Variants in LRRC8D observed in about 807,000 individuals in gnomAD.
LRRC8D encodes volume-regulated anion channel subunit LRRC8D.
In LRRC8D, 20 loss-of-function variants were observed where a neutral mutation model predicts 55.8. That is an observed-to-expected ratio of 0.36 (90% CI 0.25 to 0.52). The LOEUF (loss-of-function observed/expected upper bound fraction) is 0.52, where lower values mean the gene tolerates loss of function less well. Among genes scored for constraint, LRRC8D ranks in the 20% least tolerant of loss-of-function variants. The pLI is 0.93. For synonymous variants in LRRC8D, 352 were observed against 377.0 expected (o/e 0.93, Z 0.77); for missense variants, 651 against 1,030.8 (o/e 0.63, Z 5.05).
chr1:89,912,364 C>T (rs942207215), intron 2 of LRRC8D, among the ~76,000 whole-genome samples: 2 of 152,054 alleles, frequency 1.3e-5, no homozygotes, highest in African/African-American at 4.8e-5. Flanking sequence ...TGAGTTGTAC[C>T]CTGGAAAATC....
chr1:89,854,409 T>C (rs1661499369), intron 2 of LRRC8D, among the ~76,000 whole-genome samples: 1 of 151,980 alleles, frequency 6.6e-6, no homozygotes, highest in African/African-American at 2.4e-5. Context: ...GATAGAGTAC[T>C]GTAATATGAA....
At chr1:89,929,969 A>G (rs1421636565) in intron 2 of LRRC8D, 2 of 152,210 alleles carry the variant, frequency 1.3e-5, no homozygotes, top group Admixed American at 6.5e-5. Context: ...CATGAATCCT[A>G]TCATGAACTG....
intron 2 of LRRC8D, among the ~76,000 whole-genome samples, chr1:89,874,591 G>A (rs1460538163): frequency 2.0e-5 from 3 of 151,980 alleles, no homozygotes; most frequent in Non-Finnish European, 4.4e-5. Flanking sequence ...TGCTTAGTAA[G>A]GATAGGGTCC....
chr1:89,888,246 G>A lies in LRRC8D; in HGVS notation c.-3+44464G>A, dbSNP rs564872438. Among the ~76,000 whole-genome samples the A allele has an allele frequency of 1.3e-3, 199 of 152,274 alleles. 1 individual carries two copies. The highest frequency in any genetic ancestry group is 2.6e-3 in the Non-Finnish European group (175 of 68,024). On this transcript the variant is annotated intron_variant, in intron 2 of 2. Transcript: ENST00000337338. ...CAAGCACTATACTCTATTCGATAAAGTTGTTTCCCATGAGGATATAAGTTA... is the reference window on the plus strand; with the variant it reads ...CAAGCACTATACTCTATTCGATAAAATTGTTTCCCATGAGGATATAAGTTA...
At chr1:89,931,872 T>G (rs767559035) in intron 2 of LRRC8D, among the ~76,000 whole-genome samples, 1 of 152,176 alleles carries the variant, frequency 6.6e-6, no homozygotes, top group Non-Finnish European at 1.5e-5. Context: ...TTGCTTGGTC[T>G]TTTGCTAGTT....
At chr1:89,899,957 A>G (rs576785823) in intron 2 of LRRC8D, among the ~76,000 whole-genome samples, 1 of 152,338 alleles carries the variant, frequency 6.6e-6, no homozygotes, top group South Asian at 2.1e-4. Flanking sequence ...GCTGGGTAGT[A>G]TACTAGTCCC....
chr1:89,853,952 G>A (rs1039067278), intron 2 of LRRC8D, among the ~76,000 whole-genome samples: 2 of 152,176 alleles, frequency 1.3e-5, no homozygotes, highest in Admixed American at 6.5e-5. Flanking sequence ...AGAGCTTATA[G>A]TTTGGTTGAG....
intron 1 of LRRC8D, among the ~76,000 whole-genome samples, chr1:89,838,334 C>G (rs188125473): frequency 2.0e-3 from 301 of 152,196 alleles, no homozygotes; most frequent in African/African-American, 7.1e-3. Context: ...GAGACTGTGC[C>G]ACTGCACTCC....
intron 1 of LRRC8D, among the ~76,000 whole-genome samples, chr1:89,821,734 C>T (rs1035607708): frequency 1.3e-5 from 2 of 152,028 alleles, no homozygotes; most frequent in South Asian, 2.1e-4. Flanking sequence ...AAAGGTGAGC[C>T]CTTTAACTTC....
At chr1:89,908,430 T>TC (rs2100933195) in intron 2 of LRRC8D, among the ~76,000 whole-genome samples, 1 of 152,286 alleles carries the variant, frequency 6.6e-6, no homozygotes, top group Non-Finnish European at 1.5e-5. Context: ...CCTCTTGCTT[T>TC]CTTCCAGTAC....
In LRRC8D at chr1:89,911,149, C is replaced by G. The variant is rs1257883694; in HGVS notation, c.-2-21918C>G. 6.6e-6 allele frequency among the ~76,000 whole-genome samples: 1 copy of G among 151,528 alleles called. No homozygotes were observed. Among genetic ancestry groups the G allele is most frequent in the South Asian group, 2.1e-4 (1 of 4,808 alleles). ...GATTACTTGAATATATACAGAGCTACTCACTCATATGTCCATGCATTTTTG... is the reference window on the plus strand; with the variant it reads ...GATTACTTGAATATATACAGAGCTAGTCACTCATATGTCCATGCATTTTTG... On this transcript the variant is annotated intron_variant, in intron 2 of 2. Coordinates refer to ENST00000337338, the MANE Select transcript of LRRC8D (RefSeq NM_001134479.2). This position sits in a 1 kb window ranked among gnomAD's most constrained non-coding sequence, Gnocchi z 4.0.
chr1:89,849,820 G>A (rs1428640000), intron 2 of LRRC8D, among the ~76,000 whole-genome samples: 1 of 152,024 alleles, frequency 6.6e-6, no homozygotes, highest in Non-Finnish European at 1.5e-5. Flanking sequence ...TTCTTCTAGT[G>A]TGTCACTTTC....
At chr1:89,840,856 C>T (rs1275483098) in intron 1 of LRRC8D, among the ~76,000 whole-genome samples, 3 of 152,166 alleles carry the variant, frequency 2.0e-5, no homozygotes, top group Non-Finnish European at 4.4e-5. Context: ...TATTTTTCTT[C>T]AGAGGTTTTC....
chr1:89,905,357 A>T (rs371463971), intron 2 of LRRC8D, among the ~76,000 whole-genome samples: 2 of 152,210 alleles, frequency 1.3e-5, no homozygotes, highest in Non-Finnish European at 1.5e-5. Context: ...CAAGACTTTT[A>T]TGGGATGGAA....
intron 2 of LRRC8D, among the ~76,000 whole-genome samples, chr1:89,845,884 C>T (rs976518589): frequency 3.9e-5 from 6 of 152,002 alleles, no homozygotes; most frequent in Non-Finnish European, 5.9e-5. Flanking sequence ...CGGGTTCAAG[C>T]GACTCTTCTG....
intron 2 of LRRC8D, among the ~76,000 whole-genome samples, chr1:89,872,883 AT>A (rs1480497260): frequency 1.3e-5 from 2 of 152,204 alleles, no homozygotes; most frequent in East Asian, 3.8e-4. Context: ...AACTCTTAAT[AT>A]TTTGCTTAAT....
At chr1:89,931,258 GAAAAAAAAA>G (rs772353702) in intron 2 of LRRC8D, among the ~76,000 whole-genome samples, 1 of 70,488 alleles carries the variant, frequency 1.4e-5, no homozygotes, top group South Asian at 4.8e-4. Context: ...AAGGGTTTCG[GAAAAAAAAA>G]AAAAAAAAAA....
intron 2 of LRRC8D, among the ~76,000 whole-genome samples, chr1:89,891,832 G>A (rs1662586284): frequency 6.6e-6 from 1 of 152,020 alleles, no homozygotes; most frequent in Non-Finnish European, 1.5e-5. Context: ...GTATTTCCTG[G>A]AGCACCCTCT....
rs544595128 is a variant in LRRC8D, at chr1:89,921,528, GTTTGT to G, written c.-2-11515_-2-11511del. Among the ~76,000 whole-genome samples the G allele has an allele frequency of 9.4e-4, 140 of 149,582 alleles. 1 individual carries two copies. Among genetic ancestry groups the G allele is most frequent in the African/African-American group, 2.6e-3 (106 of 40,856 alleles). The stretch of plus-strand genomic sequence containing the variant: ...AAACTTTTAAAGGTTTTTTTTGTTT[GTTTGT>G]TTTGTTTTGTTTTGTTTTGTTTTTT... On this transcript the variant is annotated intron_variant, in intron 2 of 2. Coordinates refer to ENST00000337338, the MANE Select transcript of LRRC8D (RefSeq NM_001134479.2).
Sources: allele counts gnomAD v4.1 joint callset (sites outside exome capture counted in the v4.1 genomes callset), GRCh38; gene constraint gnomAD v4.1.1; non-coding constraint Gnocchi (gnomAD v3.1); transcripts MANE v1.5; gene names NCBI Gene and HGNC (gene_info 2026-07-23, HGNC 2026-07-21).